The following HPSE2 variants were observed in gnomAD, a reference collection of about 807,000 sequenced individuals.
HPSE2 encodes inactive heparanase-2.
A neutral mutation model predicts 60.5 loss-of-function variants in HPSE2; 38 were observed. The ratio of observed to expected loss-of-function variants is 0.63; its 90% CI spans 0.48 to 0.82. The LOEUF is 0.82. HPSE2 is among the 40% of genes least tolerant of loss of function. The pLI, the probability that HPSE2 is intolerant of heterozygous loss-of-function variation, is 0.00. For synonymous variants in HPSE2, 295 were observed against 293.2 expected, an observed-to-expected ratio of 1.01 and a Z score of -0.06; for missense variants, 713 against 740.4, an observed-to-expected ratio of 0.96 and a Z score of 0.43.
In HPSE2 at chr10:98,868,321, T is replaced by G. The variant is rs1003484995; in HGVS notation, c.611-124265A>C. 2.6e-5 allele frequency among the ~76,000 whole-genome samples: 4 copies of G among 151,972 alleles called. No homozygotes were observed. The East Asian group carries it at 7.7e-4, about 29-fold the overall frequency. On this transcript the variant is annotated intron_variant, in intron 3 of 11. Transcript: ENST00000370552. ...CAATTAAATTCATGGAGATAGAGAA[T>G]AGAAGGATAATTGCCAGAGACTGAG...
At chr10:98,580,431 A>C (rs918959724) in intron 9 of HPSE2, among the ~76,000 whole-genome samples, 1 of 151,736 alleles carries the variant, frequency 6.6e-6, no homozygotes, top group Non-Finnish European at 1.5e-5. Flanking sequence ...TTTTCTTTCA[A>C]TATTTTGTAT....
intron 3 of HPSE2, among the ~76,000 whole-genome samples, chr10:98,820,745 G>A (rs1805344294): frequency 6.6e-6 from 1 of 152,084 alleles, no homozygotes; most frequent in South Asian, 2.1e-4. Context: ...CAGCAATTAG[G>A]TTCAATAGCT....
At chr10:98,943,122 C>T (rs991022301) in intron 3 of HPSE2, among the ~76,000 whole-genome samples, 2 of 150,622 alleles carry the variant, frequency 1.3e-5, no homozygotes, top group East Asian at 3.9e-4. Context: ...AGGTGATATA[C>T]CTAATGCTAA....
chr10:98,574,946 T>C (rs188863814), intron 9 of HPSE2, among the ~76,000 whole-genome samples: 2 of 152,052 alleles, frequency 1.3e-5, no homozygotes, highest in Admixed American at 1.3e-4. Context: ...TTTAGTGGAG[T>C]GGATCTTGAA....
intron 9 of HPSE2, among the ~76,000 whole-genome samples, chr10:98,574,547 C>T (rs1457849325): frequency 6.6e-6 from 1 of 152,190 alleles, no homozygotes; most frequent in Non-Finnish European, 1.5e-5. Flanking sequence ...GAAGTCCAAG[C>T]TTCCCTGATG....
At chr10:98,754,727 T>C (rs1440422049) in intron 3 of HPSE2, among the ~76,000 whole-genome samples, 9 of 148,546 alleles carry the variant, frequency 6.1e-5, no homozygotes, top group Admixed American at 6.0e-4. Context: ...GAAAAAAAAT[T>C]TGGGGTTAGA....
intron 2 of HPSE2, among the ~76,000 whole-genome samples, chr10:99,148,802 A>C (rs1846152748): frequency 6.6e-6 from 1 of 151,750 alleles, no homozygotes; most frequent in Admixed American, 6.6e-5. Flanking sequence ...TCAATCAATC[A>C]ATCAATCAAT....
chr10:99,244,095 G>A, the HPSE2 span, among the ~76,000 whole-genome samples: 53 of 149,078 alleles, frequency 3.6e-4, no homozygotes, highest in African/African-American at 1.3e-3. Context: ...TCACCCAGGC[G>A]GGACTGCAGT....
chr10:98,954,028 G>A (rs191813718), intron 3 of HPSE2, among the ~76,000 whole-genome samples: 383 of 152,274 alleles, frequency 2.5e-3, no homozygotes, highest in Admixed American at 6.0e-3. Flanking sequence ...TAAGTTGGCC[G>A]GATGCGGTGG....
At chr10:98,531,976 T>C (rs1043015204) in intron 9 of HPSE2, among the ~76,000 whole-genome samples, 1 of 152,236 alleles carries the variant, frequency 6.6e-6, no homozygotes, top group Non-Finnish European at 1.5e-5. Context: ...TGTTTTTTCA[T>C]ATTGACATTT....
intron 2 of HPSE2, among the ~76,000 whole-genome samples, chr10:99,190,448 T>A (rs1848179971): frequency 1.3e-5 from 2 of 152,198 alleles, no homozygotes; most frequent in Admixed American, 6.5e-5. Flanking sequence ...GTTTTACAGA[T>A]TAAAAAACAA....
At chr10:98,699,473 G>T (rs1948338588) in intron 5 of HPSE2, among the ~76,000 whole-genome samples, 1 of 90,942 alleles carries the variant, frequency 1.1e-5, no homozygotes, top group Non-Finnish European at 2.6e-5. Context: ...AATAAATTAG[G>T]TATTGATGGG....
chr10:98,462,710 A>G (rs1940349651), intron 11 of HPSE2, among the ~76,000 whole-genome samples: 1 of 152,000 alleles, frequency 6.6e-6, no homozygotes, highest in South Asian at 2.1e-4. Context: ...TGCTTCTCAG[A>G]TGCTAGGGTT....
chr10:99,242,381 C>G, the HPSE2 span, among the ~76,000 whole-genome samples: 1 of 152,166 alleles, frequency 6.6e-6, no homozygotes, highest in African/African-American at 2.4e-5. Context: ...TAAGAAAACT[C>G]TGGTCTTTGT....
At chr10:98,487,047 T>C (rs1376851278) in intron 10 of HPSE2, among the ~76,000 whole-genome samples, 1 of 152,174 alleles carries the variant, frequency 6.6e-6, no homozygotes, top group Non-Finnish European at 1.5e-5. Flanking sequence ...CCAAAAGGCT[T>C]AATTTTCCTT....
chr10:99,007,173 G>A (rs1956913893), intron 3 of HPSE2, among the ~76,000 whole-genome samples: 1 of 152,150 alleles, frequency 6.6e-6, no homozygotes, highest in Non-Finnish European at 1.5e-5. Context: ...CCTCCGGGTA[G>A]ACCTGGAGTG....
intron 6 of HPSE2, among the ~76,000 whole-genome samples, chr10:98,691,083 C>T (rs769043270): frequency 2.0e-5 from 3 of 152,172 alleles, no homozygotes; most frequent in South Asian, 2.1e-4. Flanking sequence ...ATTATTAGGA[C>T]ATCTTCACCT....
chr10:98,724,650 C>T (rs953746738), intron 4 of HPSE2, among the ~76,000 whole-genome samples: 2 of 152,144 alleles, frequency 1.3e-5, no homozygotes, highest in African/African-American at 4.8e-5. Flanking sequence ...CTGGGTGCTC[C>T]TGTACTGGGT....
At chr10:98,624,854 T>C (rs1478983865) in intron 7 of HPSE2, among the ~76,000 whole-genome samples, 2 of 152,176 alleles carry the variant, frequency 1.3e-5, no homozygotes, top group East Asian at 3.8e-4. Context: ...AGCACAGAAC[T>C]AGCAGATAAA....
Sources: allele counts gnomAD v4.1 joint callset (sites outside exome capture counted in the v4.1 genomes callset), GRCh38; gene constraint gnomAD v4.1.1; transcripts MANE v1.5; gene names NCBI Gene and HGNC (gene_info 2026-07-23, HGNC 2026-07-21).